TSC22D2: variants seen among roughly 807,000 people sequenced by gnomAD.
The protein encoded by TSC22D2 is TSC22 domain family protein 2.
Under a neutral mutation model 50.1 loss-of-function variants are expected in TSC22D2, and 5 were observed. The observed-to-expected ratio is 0.10, with a 90% CI of 0.05 to 0.21. The LOEUF (loss-of-function observed/expected upper bound fraction) is 0.21. Ranked by LOEUF, TSC22D2 falls within the 10% of genes least tolerant of loss-of-function variation. TSC22D2 has a pLI of 1.00. For synonymous variants in TSC22D2, 501 were observed against 450.1 expected (o/e 1.11, Z -1.43); for missense variants, 1,003 against 1,015.5 (o/e 0.99, Z 0.17).
chr3:150,411,671 T>G (rs914172699), intron 1 of TSC22D2, among the ~76,000 whole-genome samples: 2 of 152,180 alleles, frequency 1.3e-5, no homozygotes, highest in East Asian at 3.8e-4. Flanking sequence ...GCAGAGAGAT[T>G]TGTCAGTGTG....
Position 150,409,631 on chromosome 3 carries a change from T to A in TSC22D2, c.281T>A (p.Leu94Gln), listed in dbSNP as rs770472720. The change falls in exon 1 of 3, where the codon CTG becomes CAG. Residue 94 changes from leucine (L) to glutamine (Q), a missense_variant. Leu to Gln is a moderately radical substitution (Grantham distance 113). Transcript: ENST00000688009. This position sits in a 1 kb window ranked among gnomAD's most constrained non-coding sequence, Gnocchi z 7.4. ...VSPNLLLDGQLAAAAAAPANG... is the reference protein window; with the variant it reads ...VSPNLLLDGQQAAAAAAPANG... ...CCAAACCTCCTCCTAGATGGGCAGCTGGCAGCGGCGGCTGCTGCTCCCGCC... is the reference window on the plus strand; with the variant it reads ...CCAAACCTCCTCCTAGATGGGCAGCAGGCAGCGGCGGCTGCTGCTCCCGCC... 1.9e-5 allele frequency: 31 copies of A among 1,609,452 alleles called. No individual in the cohort carries two copies. The Admixed American group carries it at 4.8e-4, about 25-fold the overall frequency.
In TSC22D2 at chr3:150,457,198, T is replaced by G. The variant is rs191664296; in HGVS notation, c.2010+71T>G. The G allele has an allele frequency of 4.4e-4, 613 of 1,406,992 alleles. 4 individuals carry two copies. The African/African-American group carries it at 8.0e-3, about 18-fold the overall frequency. 87.2% of individuals were successfully genotyped at this position (1,406,992 alleles called of 1,614,324 possible). ...TATGGAACACTTAGCTTTTGTCAGT[T>G]TTAGAAAACAAATAAGTTATTTAAA... On this transcript the variant is annotated intron_variant, in intron 2 of 2. Coordinates refer to ENST00000688009, the MANE Select transcript of TSC22D2 (RefSeq NM_001303264.2).
intron 1 of TSC22D2, among the ~76,000 whole-genome samples, chr3:150,425,697 C>T (rs1245291895): frequency 6.6e-6 from 1 of 152,114 alleles, no homozygotes. Context: ...TGCCCATTTT[C>T]AGTAGACCTA....
chr3:150,437,653 A>G (rs909262995), intron 1 of TSC22D2, among the ~76,000 whole-genome samples: 1 of 151,782 alleles, frequency 6.6e-6, no homozygotes, highest in Non-Finnish European at 1.5e-5. Context: ...TACAAAAAAA[A>G]AAAAATTAGC....
At chr3:150,416,901 A>G (rs928588355) in intron 1 of TSC22D2, among the ~76,000 whole-genome samples, 1 of 152,138 alleles carries the variant, frequency 6.6e-6, no homozygotes, top group Non-Finnish European at 1.5e-5. Context: ...ATCAGACTTA[A>G]ATAATTAGTA....
chr3:150,432,414 A>G (rs1456490613), intron 1 of TSC22D2, among the ~76,000 whole-genome samples: 1 of 151,908 alleles, frequency 6.6e-6, no homozygotes, highest in African/African-American at 2.4e-5. Flanking sequence ...TTATTTATTT[A>G]TTTATTCATT....
chr3:150,436,668 T>C (rs1471281019), intron 1 of TSC22D2, among the ~76,000 whole-genome samples: 1 of 152,264 alleles, frequency 6.6e-6, no homozygotes, highest in Non-Finnish European at 1.5e-5. Context: ...TATGGATTTT[T>C]GCCTTCACCA....
rs554369603 is a variant in TSC22D2, at chr3:150,420,943, C to T, written c.1958+9635C>T. ...CTAAAAATACCAAAAATTAGCTGCG[C>T]GTGGTGGTGGGAGCCTGTAATCCCC... On this transcript the variant is annotated intron_variant, in intron 1 of 2. Coordinates refer to ENST00000688009, the MANE Select transcript of TSC22D2 (RefSeq NM_001303264.2). Among the ~76,000 whole-genome samples the T allele has an allele frequency of 1.9e-4, 29 of 152,144 alleles. No individual in the cohort carries two copies. In the South Asian group the frequency reaches 5.4e-3, roughly 28 times the overall value.
Position 150,460,318 on chromosome 3 carries a change from T to C in TSC22D2, c.*1682T>C, listed in dbSNP as rs1721357135. The C allele has an allele frequency of 6.6e-6, 1 of 152,210 alleles. No homozygotes were observed. The highest frequency in any genetic ancestry group is 2.4e-5 in the African/African-American group (1 of 41,460). The allele number at this position is 152,210 out of a possible 1,614,324, so 9.4% of individuals were successfully genotyped here. A position where few individuals can be genotyped will look rare whatever the true frequency, so the allele number is the denominator to read the frequency against. On this transcript the variant is annotated 3_prime_UTR_variant, in exon 3 of 3. Transcript: ENST00000688009. ...TTAGTGATACTTAAGTAGGAAATCC[T>C]TGTCTACCAAAACTTTTACTTGAAT...
chr3:150,434,609 C>T (rs1055200424), intron 1 of TSC22D2, among the ~76,000 whole-genome samples: 2 of 152,070 alleles, frequency 1.3e-5, no homozygotes, highest in African/African-American at 4.8e-5. Flanking sequence ...GTTTCTACTC[C>T]TTTGAAAGGA....
At chr3:150,450,039 TAATTA>T (rs945921183) in intron 1 of TSC22D2, among the ~76,000 whole-genome samples, 8 of 152,056 alleles carry the variant, frequency 5.3e-5, no homozygotes, top group African/African-American at 1.9e-4. Flanking sequence ...AAAGAAATTC[TAATTA>T]AATGTGTTTA....
intron 2 of TSC22D2, 96 bp from the exon 3 acceptor site, chr3:150,458,280 A>G (rs566854951): frequency 7.9e-7 from 1 of 1,269,898 alleles, no homozygotes; most frequent in East Asian, 2.3e-5. Context: ...AGAGCAGGAA[A>G]ACTAGTATAA....
At position 150,410,181 on chromosome 3, in the gene TSC22D2, G is replaced by GCCGCCA. The variant is rs749853201; in HGVS notation, c.834_839dup (p.Pro279_Pro280dup). On this transcript the variant is annotated inframe_insertion, in exon 1 of 3. Transcript: ENST00000688009. Reference sequence around the variant, plus strand: ...TTAGCGTTGGGCAGCCACAGCCGCCGCCGCCACCCGTAGGTGGGGCTGTGG... The same window carrying GCCGCCA: ...TTAGCGTTGGGCAGCCACAGCCGCCGCCGCCACCGCCACCCGTAGGTGGGGCTGTGG... 1.1e-5 allele frequency: 18 copies of GCCGCCA among 1,607,874 alleles called. No individual in the cohort carries two copies. In the African/African-American group the frequency reaches 2.3e-4, roughly 20 times the overall value.
At position 150,463,077 on chromosome 3, in the gene TSC22D2, AAC is replaced by A. The variant is rs1191649724; in HGVS notation, c.*4443_*4444del. 2.0e-5 allele frequency: 3 copies of A among 152,272 alleles called. No homozygotes were observed. Among genetic ancestry groups the A allele is most frequent in the African/African-American group, 7.2e-5 (3 of 41,474 alleles). The allele number at this position is 152,272 out of a possible 1,614,324, so 9.4% of individuals were successfully genotyped here. ...TTCCTTAAAGGGATTTCAAGAATTT[AAC>A]AAAAGGGTTGGGGAATGGAACCTTT... is the stretch of plus-strand genomic sequence containing the variant. On this transcript the variant is annotated 3_prime_UTR_variant, in exon 3 of 3. Transcript: ENST00000688009.
chr3:150,462,458 G>T lies in TSC22D2; in HGVS notation c.*3822G>T, dbSNP rs1398887967. The T allele has an allele frequency of 1.3e-5, 2 of 152,072 alleles. No homozygotes were observed. Among genetic ancestry groups the T allele is most frequent in the African/African-American group, 4.8e-5 (2 of 41,420 alleles). The allele number at this position is 152,072 out of a possible 1,614,324, so 9.4% of individuals were successfully genotyped here. A position where few individuals can be genotyped will look rare whatever the true frequency, so the allele number is the denominator to read the frequency against. ...TAGAGTAGCTGAAACTGGAAGCTGA[G>T]AAATAATTTAGGAGGGATGACAATC... On this transcript the variant is annotated 3_prime_UTR_variant, in exon 3 of 3. Coordinates refer to ENST00000688009, the MANE Select transcript of TSC22D2 (RefSeq NM_001303264.2).
intron 1 of TSC22D2, among the ~76,000 whole-genome samples, chr3:150,449,636 A>G (rs1393440038): frequency 1.3e-5 from 2 of 152,114 alleles, no homozygotes; most frequent in Non-Finnish European, 2.9e-5. Flanking sequence ...GATTCATTTA[A>G]CCAGAAGCAT....
Position 150,458,666 on chromosome 3 carries a change from CTG to C in TSC22D2, c.*31_*32del. 6.2e-7 allele frequency: 1 copy of C among 1,608,854 alleles called. No homozygotes were observed. The highest frequency in any genetic ancestry group is 8.5e-7 in the Non-Finnish European group (1 of 1,177,538). ...TTCTTAAGCCTCATTAAGAAAAAAA[CTG>C]AAAGCAATCTATCCTTGTGTGCCAC... On this transcript the variant is annotated 3_prime_UTR_variant, in exon 3 of 3. Coordinates refer to ENST00000688009, the MANE Select transcript of TSC22D2 (RefSeq NM_001303264.2).
At chr3:150,446,627 A>G (rs1293850278) in intron 1 of TSC22D2, among the ~76,000 whole-genome samples, 1 of 151,608 alleles carries the variant, frequency 6.6e-6, no homozygotes, top group African/African-American at 2.4e-5. Flanking sequence ...CACCCCCAAT[A>G]TGATATATTC....
intron 1 of TSC22D2, among the ~76,000 whole-genome samples, chr3:150,448,639 C>T (rs914323699): frequency 6.6e-6 from 1 of 152,054 alleles, no homozygotes; most frequent in Non-Finnish European, 1.5e-5. Context: ...GCAAATTTTA[C>T]TTTTGTATCA....
Sources: gnomAD v4.1 joint callset for allele counts (sites outside exome capture counted in the v4.1 genomes callset) on GRCh38, gnomAD v4.1.1 for gene constraint, Gnocchi (gnomAD v3.1) non-coding constraint, MANE v1.5 for transcripts, NCBI Gene and HGNC (gene_info 2026-07-23, HGNC 2026-07-21) for gene names.